The following DSP variants were observed in gnomAD, a reference collection of about 807,000 sequenced individuals.
DSP encodes 250/210 kDa paraneoplastic pemphigus antigen.
A neutral mutation model predicts 290.6 loss-of-function variants in DSP; 114 were observed. The observed-to-expected ratio is 0.39, with a 90% CI of 0.34 to 0.46. DSP has a LOEUF of 0.46. Ranked by LOEUF, DSP falls within the 20% of genes least tolerant of loss-of-function variation. DSP has a pLI of 0.99. For missense variants in DSP, 3,230 were observed against 3,495.8 expected, an observed-to-expected ratio of 0.92 and a Z score of 1.92; for synonymous variants, 1,311 against 1,316.4, an observed-to-expected ratio of 1.00 and a Z score of 0.09.
chr6:7,562,362 A>G (rs1170346241), intron 4 of DSP, among the ~76,000 whole-genome samples: 2 of 149,698 alleles, frequency 1.3e-5, no homozygotes, highest in Admixed American at 6.7e-5. Context: ...GCCTGTGCAC[A>G]GGTAGATTTG....
At chr6:7,562,327 A>T (rs1433384145) in intron 4 of DSP, among the ~76,000 whole-genome samples, 1 of 151,546 alleles carries the variant, frequency 6.6e-6, no homozygotes, top group African/African-American at 2.4e-5. Flanking sequence ...ATATGCACAC[A>T]TATGTTCTGT....
chr6:7,563,724 G>A lies in DSP; in HGVS notation c.727-12G>A, dbSNP rs2113666821. 6.2e-7 allele frequency: 1 copy of A among 1,611,666 alleles called. No homozygotes were observed. Among genetic ancestry groups the A allele is most frequent in the East Asian group, 2.2e-5 (1 of 44,866 alleles). On this transcript the variant is annotated splice_polypyrimidine_tract_variant and intron_variant, in intron 5 of 23. Transcript: ENST00000379802. ...GGGGATTTATATCTACCTGCTTTTT[G>A]TTGTCTTCTAGCGCGAGAAATCTGC... is the stretch of plus-strand genomic sequence containing the variant.
chr6:7,580,331 A>G lies in DSP; in HGVS notation c.4141A>G (p.Thr1381Ala). 6.2e-7 allele frequency: 1 copy of G among 1,614,080 alleles called. No individual in the cohort carries two copies. Among genetic ancestry groups the G allele is most frequent in the Non-Finnish European group, 8.5e-7 (1 of 1,179,998 alleles). ...NITKTTIHQL[T>A]MQKEEDTSGY... ...CACCAAGACCACCATCCACCAGCTC[A>G]CCATGCAGAAGGAAGAGGATACCAG... Residue 1381 changes from threonine (T) to alanine (A), a missense_variant, in exon 23 of 24, where the codon ACC (threonine) becomes GCC (alanine). Around this residue, in one of 5 missense-constraint regions of DSP, gnomAD observed 1,714 missense variants for 1,844.5 expected, o/e 0.93. Coordinates refer to ENST00000379802, the MANE Select transcript of DSP (RefSeq NM_004415.4). The surrounding 1 kb of genome is among the most constrained non-coding windows in gnomAD (Gnocchi z 4.2).
At position 7,580,696 on chromosome 6, in the gene DSP, T is replaced by C. The variant is rs1278285665; in HGVS notation, c.4506T>C (p.Asp1502=). 6.2e-7 allele frequency: 1 copy of C among 1,613,988 alleles called. No individual in the cohort carries two copies. The highest frequency in any genetic ancestry group is 8.5e-7 in the Non-Finnish European group (1 of 1,180,014). The change falls in exon 23 of 24, where the codon GAT becomes GAC. Residue 1502 remains aspartate (D), a synonymous_variant. Coordinates refer to ENST00000379802, the MANE Select transcript of DSP (RefSeq NM_004415.4). The surrounding 1 kb of genome is among the most constrained non-coding windows in gnomAD (Gnocchi z 4.2). ...CAAATGACCGGAAATGCCTGGAAGATGAAAACGCGAGATTACAAAGGGTCC... is the reference window on the plus strand; with the variant it reads ...CAAATGACCGGAAATGCCTGGAAGACGAAAACGCGAGATTACAAAGGGTCC... ...KETNDRKCLE[D]ENARLQRVQY... is the part of the protein sequence containing the mutation.
intron 8 of DSP, 43 bp from the exon 9 acceptor site, chr6:7,567,311 A>G: frequency 6.6e-7 from 1 of 1,521,104 alleles, no homozygotes; most frequent in Non-Finnish European, 9.1e-7. Context: ...ATGCATCTGT[A>G]CAACTGAGCT....
intron 1 of DSP, among the ~76,000 whole-genome samples, chr6:7,555,099 G>T (rs142164661): frequency 2.0e-5 from 3 of 152,180 alleles, no homozygotes; most frequent in Non-Finnish European, 2.9e-5. Flanking sequence ...ATTAGGGACC[G>T]CTGTGGGATG....
chr6:7,541,703 C>G lies in DSP; in HGVS notation c.-213C>G, dbSNP rs1001395707. 6 of 602,280 alleles carry G rather than the reference C, an allele frequency of 1.0e-5. No individual in the cohort carries two copies. The highest frequency in any genetic ancestry group is 1.7e-5 in the Non-Finnish European group (6 of 356,104). 37.3% of individuals were successfully genotyped at this position (602,280 alleles called of 1,614,324 possible). A position where few individuals can be genotyped will look rare whatever the true frequency, so the allele number is the denominator to read the frequency against. Reference sequence around the variant, plus strand: ...GCCCTTGCCGCCCTCCGAGCCACAGCTTTCCTCCCGCTCCTGCCCCCGGCC... The same window carrying G: ...GCCCTTGCCGCCCTCCGAGCCACAGGTTTCCTCCCGCTCCTGCCCCCGGCC... On this transcript the variant is annotated 5_prime_UTR_variant, in exon 1 of 24. Coordinates refer to ENST00000379802, the MANE Select transcript of DSP (RefSeq NM_004415.4).
chr6:7,579,747 G>C lies in DSP; in HGVS notation c.3557G>C (p.Arg1186Thr), dbSNP rs1223608451. ...CTGCAGGAAGAAGGCACCCGGAAGA[G>C]AGAATATGAAAATGAGCTGGCAAAG... ...VLLQEEGTRK[R>T]EYENELAKVR... The change falls in exon 23 of 24, where the codon AGA becomes ACA. Residue 1186 changes from arginine to threonine, a missense_variant. Arg to Thr is a moderately conservative substitution (Grantham distance 71). Coordinates refer to ENST00000379802, the MANE Select transcript of DSP (RefSeq NM_004415.4). This position sits in a 1 kb window ranked among gnomAD's most constrained non-coding sequence, Gnocchi z 4.1. 1.2e-6 allele frequency: 2 copies of C among 1,613,776 alleles called. No individual in the cohort carries two copies. The highest frequency in any genetic ancestry group is 1.6e-4 in the Middle Eastern group (1 of 6,062).
intron 1 of DSP, among the ~76,000 whole-genome samples, chr6:7,554,824 C>CT (rs879629174): frequency 1.2e-3 from 168 of 145,670 alleles, no homozygotes; most frequent in African/African-American, 2.4e-3. Context: ...TAAAAACAAT[C>CT]TTTTTTTTTT....
In DSP at chr6:7,577,656, CAA is replaced by C. The variant is rs951885048; in HGVS notation, c.2878-121_2878-120del. ...ATTAGTTGCTTGGCCACTAGTGGCG[CAA>C]AGTCTTTGGAGTGGGCAATTAGACG... On this transcript the variant is annotated intron_variant, in intron 20 of 23. Transcript: ENST00000379802. 10 of 851,526 alleles carry C rather than the reference CAA, an allele frequency of 1.2e-5. No homozygotes were observed. In the African/African-American group the frequency reaches 1.7e-4, roughly 14 times the overall value. 52.7% of individuals were successfully genotyped at this position (851,526 alleles called of 1,614,324 possible).
chr6:7,580,861 G>C lies in DSP; in HGVS notation c.4671G>C (p.Thr1557=). 1 of 1,614,154 alleles carries C rather than the reference G, an allele frequency of 6.2e-7. No individual in the cohort carries two copies. Among genetic ancestry groups the C allele is most frequent in the South Asian group, 1.1e-5 (1 of 91,084 alleles). ...QERTVKDQDI[T]RFQNSLKELQ... is the part of the protein sequence containing the mutation. The stretch of plus-strand genomic sequence containing the variant: ...GGACTGTGAAGGACCAGGATATCAC[G>C]CGGTTCCAGAACTCTCTGAAAGAGC... Residue 1557 remains threonine, a synonymous_variant, in exon 23 of 24, where the codon ACG becomes ACC. Coordinates refer to ENST00000379802, the MANE Select transcript of DSP (RefSeq NM_004415.4). This position sits in a 1 kb window ranked among gnomAD's most constrained non-coding sequence, Gnocchi z 4.2.
Position 7,576,460 on chromosome 6 carries a change from T to G in DSP, c.2793+4T>G. 6.2e-7 allele frequency: 1 copy of G among 1,614,134 alleles called. No individual in the cohort carries two copies. The highest frequency in any genetic ancestry group is 8.5e-7 in the Non-Finnish European group (1 of 1,179,994). ...GCGGTTTTTGAATGAGCAGAAGGTA[T>G]AAGCCAACTTTTTGTTCCATAGCTG... On this transcript the variant is annotated splice_donor_region_variant and intron_variant, in intron 19 of 23. Transcript: ENST00000379802.
rs1758867992 is a variant in DSP at position 7,566,458 on chromosome 6, C to G, written c.1021C>G (p.His341Asp). 3 of 1,613,610 alleles carry G rather than the reference C, an allele frequency of 1.9e-6. No individual in the cohort carries two copies. Among genetic ancestry groups the G allele is most frequent in the African/African-American group, 1.3e-5 (1 of 74,824 alleles). The change falls in exon 8 of 24, where the codon CAT becomes GAT. Residue 341 changes from histidine (H) to aspartate (D), a missense_variant. Transcript: ENST00000379802. Reference sequence around the variant, plus strand: ...AAGTGACCAACTTGTCCTCAATCAGCATCCAGCTTCAGACAAAATTGAGGT... The same window carrying G: ...AAGTGACCAACTTGTCCTCAATCAGGATCCAGCTTCAGACAAAATTGAGGT... Reference protein sequence around the residue: ...QESDQLVLNQHPASDKIEAYM... With the variant: ...QESDQLVLNQDPASDKIEAYM...
Position 7,579,362 on chromosome 6 carries a change from C to T in DSP, c.3172C>T (p.Leu1058=). The part of the protein sequence containing the change: ...NSENCNKNKF[L]DQNLQKYQAE... ...GGAAAACTGTAATAAGAACAAATTC[C>T]TGGATCAGAACCTGCAGAAATACCA... Residue 1058 remains leucine (L), a synonymous_variant, in exon 23 of 24, where the codon CTG becomes TTG. Transcript: ENST00000379802. The surrounding 1 kb of genome is among the most constrained non-coding windows in gnomAD (Gnocchi z 4.1). The T allele has an allele frequency of 6.2e-7, 1 of 1,614,124 alleles. No homozygotes were observed. The highest frequency in any genetic ancestry group is 8.5e-7 in the Non-Finnish European group (1 of 1,180,026).
At chr6:7,558,011 C>A (rs556332465) in intron 2 of DSP, 105 bp from the exon 3 acceptor site, 6 of 1,380,486 alleles carry the variant, frequency 4.3e-6, no homozygotes, top group East Asian at 2.3e-5. Context: ...GCGAAACTTA[C>A]AGTTTTTGTC....
chr6:7,562,706 A>G lies in DSP; in HGVS notation c.652A>G (p.Ile218Val), dbSNP rs987363401. ...GVDLASVEQH[I>V]NSHRGIHNSI... The stretch of plus-strand genomic sequence containing the variant: ...GGACCTGGCCTCAGTGGAGCAGCAC[A>G]TTAACAGCCACCGGGGCATCCACAA... The change falls in exon 5 of 24, where the codon ATT (isoleucine) becomes GTT (valine). Residue 218 changes from isoleucine (I) to valine (V), a missense_variant. Ile to Val is a conservative substitution (Grantham distance 29, BLOSUM62 3). Coordinates refer to ENST00000379802, the MANE Select transcript of DSP (RefSeq NM_004415.4). 3.7e-6 allele frequency: 6 copies of G among 1,614,198 alleles called. No individual in the cohort carries two copies. The highest frequency in any genetic ancestry group is 1.1e-5 in the South Asian group (1 of 91,088).
rs577013896 is a variant in DSP, at chr6:7,555,583, T to C, written c.171-135T>C. 5.5e-6 allele frequency: 4 copies of C among 731,314 alleles called. No homozygotes were observed. The East Asian group carries it at 8.1e-5, about 15-fold the overall frequency. 45.3% of individuals were successfully genotyped at this position (731,314 alleles called of 1,614,324 possible). On this transcript the variant is annotated intron_variant, in intron 1 of 23. Transcript: ENST00000379802. ...GGATAAAAGAAACACAACAAAATGT[T>C]AACAATTGGGATTCCGGGTAAAGGG...
rs374833119 is a variant in DSP, at chr6:7,569,144, A to G, written c.1420-42A>G. On this transcript the variant is annotated intron_variant, in intron 11 of 23. Coordinates refer to ENST00000379802, the MANE Select transcript of DSP (RefSeq NM_004415.4). ...ATTGAGAAAAAAAATAAAAACACAT[A>G]CTTATGAATAAAGCCAAACCCTGGG... 14 of 1,613,358 alleles carry G rather than the reference A, an allele frequency of 8.7e-6. No individual in the cohort carries two copies. The African/African-American group carries it at 1.7e-4, about 20-fold the overall frequency.
Position 7,541,935 on chromosome 6 carries a change from C to A in DSP, c.20C>A (p.Ser7Tyr). The A allele has an allele frequency of 6.2e-7, 1 of 1,609,448 alleles. No homozygotes were observed. Among genetic ancestry groups the A allele is most frequent in the Non-Finnish European group, 8.5e-7 (1 of 1,178,830 alleles). ...GCCGACATGAGCTGCAACGGAGGCT[C>A]CCACCCGCGGATCAACACTCTGGGC... MSCNGG[S>Y]HPRINTLGRM... Residue 7 changes from serine to tyrosine, a missense_variant, in exon 1 of 24, where the codon TCC becomes TAC. By Grantham distance (144) the Ser-to-Tyr change is moderately radical. Around this residue, in one of 5 missense-constraint regions of DSP, gnomAD observed 646 missense variants for 684.3 expected, o/e 0.94. Coordinates refer to ENST00000379802, the MANE Select transcript of DSP (RefSeq NM_004415.4).
Sources: gnomAD v4.1 joint callset for allele counts (sites outside exome capture counted in the v4.1 genomes callset) on GRCh38, gnomAD v4.1.1 for gene constraint, gnomAD v4.1.1 regional missense constraint, Gnocchi (gnomAD v3.1) non-coding constraint, MANE v1.5 for transcripts, NCBI Gene and HGNC (gene_info 2026-07-23, HGNC 2026-07-21) for gene names.